Variants in RBM19 observed in about 807,000 individuals in gnomAD.
The protein encoded by RBM19 is RNA binding motif protein 19.
RBM19 carries 94 observed loss-of-function variants against 116.8 expected under a neutral mutation model. The ratio of observed to expected loss-of-function variants is 0.80; its 90% CI spans 0.68 to 0.95. RBM19 has a LOEUF of 0.95. Ranked by LOEUF, RBM19 falls within the 40% of genes least tolerant of loss-of-function variation. The pLI, the probability that RBM19 is intolerant of heterozygous loss-of-function variation, is 0.00. For missense variants in RBM19, 1,161 were observed against 1,220.7 expected, an observed-to-expected ratio of 0.95 and a Z score of 0.73; for synonymous variants, 475 against 494.1, an observed-to-expected ratio of 0.96 and a Z score of 0.51.
At chr12:113,921,492 C>G (rs904924270) in intron 18 of RBM19, among the ~76,000 whole-genome samples, 1 of 152,178 alleles carries the variant, frequency 6.6e-6, no homozygotes, top group African/African-American at 2.4e-5. Flanking sequence ...TCAAATGAGG[C>G]TCAAGGCTCT....
chr12:113,924,560 C>A, intron 18 of RBM19, 137 bp downstream of exon 18: 1 of 791,998 alleles, frequency 1.3e-6, no homozygotes, highest in Non-Finnish European at 2.2e-6. Context: ...TGAGGCTGAC[C>A]ATGCTTCAGA....
chr12:113,946,312 G>A, intron 12 of RBM19, 42 bp downstream of exon 12: 1 of 1,613,682 alleles, frequency 6.2e-7, no homozygotes, highest in South Asian at 1.1e-5. Context: ...GGGTGGCAGA[G>A]GGTTGGGGTT....
At chr12:113,885,152 A>G (rs970411164) in intron 21 of RBM19, among the ~76,000 whole-genome samples, 2 of 152,252 alleles carry the variant, frequency 1.3e-5, no homozygotes, top group African/African-American at 4.8e-5. Context: ...ATCTTCCAAC[A>G]TATTTCTTAA....
chr12:113,825,385 C>T lies in RBM19; in HGVS notation c.2786-2064G>A, dbSNP rs1193093931. Among the ~76,000 whole-genome samples, 1 of 152,216 alleles carries T rather than the reference C, an allele frequency of 6.6e-6. No individual in the cohort carries two copies. The highest frequency in any genetic ancestry group is 1.5e-5 in the Non-Finnish European group (1 of 68,038). On this transcript the variant is annotated intron_variant, in intron 23 of 23. Coordinates refer to ENST00000261741, the MANE Select transcript of RBM19 (RefSeq NM_016196.4). The surrounding 1 kb of genome is among the most constrained non-coding windows in gnomAD (Gnocchi z 5.7). ...GGCCCGGGGCTCGGACTCCGGCTTC[C>T]TCTCCTTCCTTGTGACCTCCTAGAC... is the stretch of plus-strand genomic sequence containing the variant.
intron 16 of RBM19, among the ~76,000 whole-genome samples, chr12:113,930,459 T>C (rs983687780): frequency 3.3e-5 from 5 of 152,156 alleles, no homozygotes; most frequent in Non-Finnish European, 5.9e-5. Context: ...CTGAGACCAG[T>C]AATGGGCAGA....
At chr12:113,899,290 G>A (rs1042632699) in intron 21 of RBM19, among the ~76,000 whole-genome samples, 2 of 152,304 alleles carry the variant, frequency 1.3e-5, no homozygotes, top group South Asian at 4.2e-4. Context: ...GGCTCCTTAC[G>A]CAGCCCGAGT....
chr12:113,827,486 C>G (rs2135683899), intron 23 of RBM19, among the ~76,000 whole-genome samples: 1 of 109,614 alleles, frequency 9.1e-6, no homozygotes, highest in East Asian at 3.1e-4. Context: ...CGCAGGCAGG[C>G]AGGGAGAAAG....
chr12:113,885,393 C>T (rs1357649567), intron 21 of RBM19, among the ~76,000 whole-genome samples: 1 of 152,134 alleles, frequency 6.6e-6, no homozygotes, highest in Admixed American at 6.6e-5. Flanking sequence ...GAAAGCAATA[C>T]AGGGTAACAT....
intron 22 of RBM19, among the ~76,000 whole-genome samples, chr12:113,845,568 T>C (rs1196446359): frequency 6.6e-6 from 1 of 152,142 alleles, no homozygotes; most frequent in East Asian, 1.9e-4. Context: ...TAGAACATTT[T>C]CATCACCCCC....
intron 22 of RBM19, among the ~76,000 whole-genome samples, chr12:113,853,189 C>T (rs558329231): frequency 7.9e-5 from 12 of 152,328 alleles, no homozygotes; most frequent in African/African-American, 2.9e-4. Flanking sequence ...TCCTCTGCCC[C>T]AACCCTTGGC....
At chr12:113,855,035 GGGGTATGT>G (rs1565976947) in intron 22 of RBM19, among the ~76,000 whole-genome samples, 2 of 152,196 alleles carry the variant, frequency 1.3e-5, no homozygotes, top group African/African-American at 4.8e-5. Flanking sequence ...TTCCAGTTTG[GGGGTATGT>G]GTGCTGAATC....
intron 23 of RBM19, among the ~76,000 whole-genome samples, chr12:113,836,330 T>G (rs1875884507): frequency 6.6e-6 from 1 of 152,174 alleles, no homozygotes; most frequent in African/African-American, 2.4e-5. Context: ...CATCTCTGTC[T>G]GGTGTCAAGG....
intron 21 of RBM19, among the ~76,000 whole-genome samples, chr12:113,890,698 G>A (rs1342903945): frequency 1.3e-5 from 2 of 152,238 alleles, no homozygotes; most frequent in Admixed American, 6.5e-5. Flanking sequence ...CCTAGGGCAA[G>A]GCAGGGGTGT....
intron 1 of RBM19, among the ~76,000 whole-genome samples, chr12:113,965,283 A>AC (rs1427592735): frequency 6.7e-6 from 1 of 148,766 alleles, no homozygotes; most frequent in African/African-American, 2.5e-5. Flanking sequence ...CTCCGTTTAA[A>AC]AAAAAAAAAC....
chr12:113,932,467 GC>G (rs1303428270), intron 16 of RBM19: 1 of 152,198 alleles, frequency 6.6e-6, no homozygotes, highest in African/African-American at 2.4e-5. Context: ...GGAGCCCTCG[GC>G]CCTCCCTCTC....
In RBM19 at chr12:113,878,008, A is replaced by G. The variant is rs114956150; in HGVS notation, c.2559-19112T>C. On this transcript the variant is annotated intron_variant, in intron 21 of 23. Coordinates refer to ENST00000261741, the MANE Select transcript of RBM19 (RefSeq NM_016196.4). ...TTTGGGGTAAATACAATTTTACTAGAACACGGCTACTCTTATTCTCTTATG... is the reference window on the plus strand; with the variant it reads ...TTTGGGGTAAATACAATTTTACTAGGACACGGCTACTCTTATTCTCTTATG... Among the ~76,000 whole-genome samples the G allele has an allele frequency of 8.3e-3, 1,260 of 152,344 alleles. 25 individuals are homozygous for G. Among genetic ancestry groups the G allele is most frequent in the African/African-American group, 0.027 (1,141 of 41,574 alleles).
intron 21 of RBM19, 99 bp downstream of exon 21, chr12:113,914,870 G>T: frequency 9.8e-7 from 1 of 1,021,712 alleles, no homozygotes; most frequent in Non-Finnish European, 1.5e-6. Flanking sequence ...GTGCCGGCCT[G>T]CAACGGAACC....
intron 23 of RBM19, 86 bp from the exon 24 acceptor site, chr12:113,823,407 G>C (rs1045567796): frequency 6.1e-6 from 7 of 1,149,492 alleles, no homozygotes; most frequent in Non-Finnish European, 8.9e-6. Context: ...GAGGAAGGAG[G>C]GAGAGGGGAG....
chr12:113,950,876 C>T (rs1871409002), intron 8 of RBM19, among the ~76,000 whole-genome samples: 1 of 152,076 alleles, frequency 6.6e-6, no homozygotes, highest in Non-Finnish European at 1.5e-5. Flanking sequence ...CCATAAACAT[C>T]TTCCGTCCTT....
Sources: gnomAD v4.1 joint callset for allele counts (sites outside exome capture counted in the v4.1 genomes callset) on GRCh38, gnomAD v4.1.1 for gene constraint, Gnocchi (gnomAD v3.1) non-coding constraint, MANE v1.5 for transcripts, NCBI Gene and HGNC (gene_info 2026-07-23, HGNC 2026-07-21) for gene names.